The following FIGN variants were observed in gnomAD, a reference collection of about 807,000 sequenced individuals.
FIGN encodes the protein fidgetin.
In FIGN, 11 loss-of-function variants were observed where a neutral mutation model predicts 51.3. The ratio of observed to expected loss-of-function variants is 0.21; its 90% CI spans 0.13 to 0.35. The LOEUF is 0.35. Ranked by LOEUF, FIGN falls within the 10% of genes least tolerant of loss-of-function variation. FIGN has a pLI of 1.00. For synonymous variants in FIGN, 407 were observed against 363.2 expected (o/e 1.12, Z -1.37); for missense variants, 857 against 943.6 (o/e 0.91, Z 1.20).
chr2:163,634,604 A>G (rs1037153532), intron 2 of FIGN, among the ~76,000 whole-genome samples: 1 of 152,156 alleles, frequency 6.6e-6, no homozygotes. Context: ...ATGTGTGTCT[A>G]CCAAAATCTA....
intron 2 of FIGN, among the ~76,000 whole-genome samples, chr2:163,680,899 T>A (rs1684052547): frequency 6.6e-6 from 1 of 152,198 alleles, no homozygotes; most frequent in Non-Finnish European, 1.5e-5. Context: ...CTTATCAGCC[T>A]GTCTAGCAGA....
At chr2:163,648,345 T>C (rs1683415542) in intron 2 of FIGN, among the ~76,000 whole-genome samples, 2 of 152,246 alleles carry the variant, frequency 1.3e-5, no homozygotes, top group Admixed American at 1.3e-4. Flanking sequence ...TGAAATCTTC[T>C]TAACAGAATC....
At chr2:163,614,669 A>C (rs1436249809) in intron 2 of FIGN, among the ~76,000 whole-genome samples, 1 of 152,148 alleles carries the variant, frequency 6.6e-6, no homozygotes, top group Non-Finnish European at 1.5e-5. Context: ...GGAATTTAGC[A>C]CAACACACAC....
chr2:163,673,013 C>A (rs968765032), intron 2 of FIGN, among the ~76,000 whole-genome samples: 1 of 152,074 alleles, frequency 6.6e-6, no homozygotes, highest in Non-Finnish European at 1.5e-5. Context: ...AATGCCAGTG[C>A]ATATCTCGTT....
chr2:163,684,796 C>T (rs531678464), intron 2 of FIGN, among the ~76,000 whole-genome samples: 6 of 152,132 alleles, frequency 3.9e-5, no homozygotes, highest in Admixed American at 6.5e-5. Context: ...CTTTCTGAGA[C>T]GGAATCTTGC....
chr2:163,725,132 T>TA (rs1684820008), intron 2 of FIGN, among the ~76,000 whole-genome samples: 2 of 152,128 alleles, frequency 1.3e-5, no homozygotes, highest in African/African-American at 2.4e-5. Context: ...AACCCTAATA[T>TA]TATCCTCTTA....
intron 2 of FIGN, among the ~76,000 whole-genome samples, chr2:163,679,599 C>T (rs1684027727): frequency 1.3e-5 from 2 of 152,016 alleles, no homozygotes; most frequent in Non-Finnish European, 2.9e-5. Context: ...TCTAACTTTC[C>T]ATCTTCTTTC....
At chr2:163,632,408 T>C (rs1220042267) in intron 2 of FIGN, among the ~76,000 whole-genome samples, 2 of 152,168 alleles carry the variant, frequency 1.3e-5, no homozygotes, top group South Asian at 2.1e-4. Flanking sequence ...AGGCTTAACA[T>C]GTGTGCTTTA....
chr2:163,642,420 T>C (rs879414671), intron 2 of FIGN, among the ~76,000 whole-genome samples: 53 of 152,354 alleles, frequency 3.5e-4, no homozygotes, highest in Non-Finnish European at 7.6e-4. Context: ...ATGATCTGCT[T>C]CCTCATCTAC....
rs1253146995 is a variant in FIGN, at chr2:163,669,035, T to TATATATATATAC, written c.26-57230_26-57229insGTATATATATAT. Among the ~76,000 whole-genome samples the TATATATATATAC allele has an allele frequency of 6.7e-4, 100 of 148,596 alleles. 1 individual carries two copies. The East Asian group carries it at 0.012, about 17-fold the overall frequency. On this transcript the variant is annotated intron_variant, in intron 2 of 2. Transcript: ENST00000333129. ...AAAGGAATATATATATATATATATATACACTATAAATTCTTATTATATAAA... is the reference window on the plus strand; with the variant it reads ...AAAGGAATATATATATATATATATATATATATATATACACACTATAAATTCTTATTATATAAA...
intron 2 of FIGN, among the ~76,000 whole-genome samples, chr2:163,712,640 T>C (rs944441750): frequency 5.3e-5 from 8 of 152,212 alleles, no homozygotes; most frequent in Non-Finnish European, 8.8e-5. Flanking sequence ...CTTGGTTATA[T>C]GTTGTGAGGT....
chr2:163,622,408 TC>T (rs1190837451), intron 2 of FIGN, among the ~76,000 whole-genome samples: 5 of 152,102 alleles, frequency 3.3e-5, no homozygotes. Context: ...TGTTGTTACT[TC>T]CAGATGGTCT....
chr2:163,727,635 C>A (rs1684857821), intron 2 of FIGN, among the ~76,000 whole-genome samples: 1 of 152,128 alleles, frequency 6.6e-6, no homozygotes, highest in Non-Finnish European at 1.5e-5. Flanking sequence ...TAAAGCCCCC[C>A]ACTTTCACCC....
chr2:163,612,368 A>C (rs1691284254), intron 2 of FIGN: 3 of 985,364 alleles, frequency 3.0e-6, no homozygotes, highest in Admixed American at 6.1e-5. Context: ...AGCACAGTAT[A>C]ATGCTCCCTG....
chr2:163,710,128 A>G (rs377386134), intron 2 of FIGN, among the ~76,000 whole-genome samples: 22 of 152,292 alleles, frequency 1.4e-4, no homozygotes, highest in African/African-American at 5.1e-4. Flanking sequence ...AGTGCTATCA[A>G]TTAGTGTTCT....
At chr2:163,691,833 C>A (rs2105345651) in intron 2 of FIGN, among the ~76,000 whole-genome samples, 1 of 152,186 alleles carries the variant, frequency 6.6e-6, no homozygotes, top group Non-Finnish European at 1.5e-5. Context: ...TAACCAGGGC[C>A]AGAGGAATTT....
chr2:163,610,039 T>G lies in FIGN; in HGVS notation c.1793A>C (p.Glu598Ala), dbSNP rs756945088. 8 of 1,614,078 alleles carry G rather than the reference T, an allele frequency of 5.0e-6. No homozygotes were observed. The highest frequency in any genetic ancestry group is 1.7e-5 in the Admixed American group (1 of 60,012). ...DMLLSSQVNE[E>A]HSPVSRMRTE... ...TCTCATCCGACTGACTGGACTATGTTCCTCATTCACTTGAGAGGAGAGAAG... is the reference window on the plus strand; with the variant it reads ...TCTCATCCGACTGACTGGACTATGTGCCTCATTCACTTGAGAGGAGAGAAG... The change falls in exon 3 of 3, where the codon GAA (glutamate) becomes GCA (alanine). Residue 598 changes from glutamate (E) to alanine (A), a missense_variant. This residue lies in a region of FIGN where 799 missense variants were observed against 849.5 expected (regional missense o/e 0.94). Coordinates refer to ENST00000333129, the MANE Select transcript of FIGN (RefSeq NM_018086.4).
In FIGN at chr2:163,609,319, A is replaced by C. The variant is rs1014748346; in HGVS notation, c.*233T>G. 19 of 526,940 alleles carry C rather than the reference A, an allele frequency of 3.6e-5. No homozygotes were observed. The Admixed American group carries it at 4.5e-4, about 12-fold the overall frequency. 32.6% of individuals were successfully genotyped at this position (526,940 alleles called of 1,614,324 possible). On this transcript the variant is annotated 3_prime_UTR_variant, in exon 3 of 3. Transcript: ENST00000333129. ...TTGGTGAGTGTTGTCTAGCTTGAACAGAACTGAGCATCCACATATGCTTTC... is the reference window on the plus strand; with the variant it reads ...TTGGTGAGTGTTGTCTAGCTTGAACCGAACTGAGCATCCACATATGCTTTC...
intron 2 of FIGN, among the ~76,000 whole-genome samples, chr2:163,676,265 C>T (rs1321626376): frequency 1.3e-5 from 2 of 151,248 alleles, no homozygotes; most frequent in Non-Finnish European, 3.0e-5. Context: ...GTTACAGACC[C>T]AGTGCCTAGA....
Sources: gnomAD v4.1 joint callset for allele counts (sites outside exome capture counted in the v4.1 genomes callset) on GRCh38, gnomAD v4.1.1 for gene constraint, gnomAD v4.1.1 regional missense constraint, MANE v1.5 for transcripts, NCBI Gene and HGNC (gene_info 2026-07-23, HGNC 2026-07-21) for gene names.